Variants in DAGLB observed in about 807,000 individuals in gnomAD.
DAGLB encodes the protein diacylglycerol lipase beta.
DAGLB carries 66 observed loss-of-function variants against 72.1 expected under a neutral mutation model. The observed-to-expected ratio is 0.92, with a 90% confidence interval of 0.75 to 1.12. The LOEUF (loss-of-function observed/expected upper bound fraction) is 1.12. Ranked by LOEUF, DAGLB falls within the 50% of genes most tolerant of loss-of-function variation. The pLI is 0.00. For missense variants in DAGLB, 1,065 were observed against 884.9 expected, an observed-to-expected ratio of 1.20 and a Z score of -2.58; for synonymous variants, 414 against 359.5, an observed-to-expected ratio of 1.15 and a Z score of -1.71.
chr7:6,415,533 A>G (rs899690031), intron 11 of DAGLB, among the ~76,000 whole-genome samples: 3 of 151,904 alleles, frequency 2.0e-5, no homozygotes, highest in Admixed American at 1.3e-4. Flanking sequence ...TGCTGGAATC[A>G]GCAAAAAAAA....
In DAGLB at chr7:6,409,172, GC is replaced by G. The variant is rs1372080790; in HGVS notation, c.*664del. ...ATTGTTTCAACTCCTGAATCCACTG[GC>G]CGACCCCAGAGCCAGAAGAGTAGCA... is the stretch of plus-strand genomic sequence containing the variant. On this transcript the variant is annotated 3_prime_UTR_variant, in exon 15 of 15. Coordinates refer to ENST00000297056, the MANE Select transcript of DAGLB (RefSeq NM_139179.4). 2 of 153,820 alleles carry G rather than the reference GC, an allele frequency of 1.3e-5. No homozygotes were observed. Among genetic ancestry groups the G allele is most frequent in the Non-Finnish European group, 2.9e-5 (2 of 69,188 alleles). The allele number at this position is 153,820 out of a possible 1,614,324, so 9.5% of individuals were successfully genotyped here. A position where few individuals can be genotyped will look rare whatever the true frequency, so the allele number is the denominator to read the frequency against.
At chr7:6,447,253 G>T (rs960460032) in intron 1 of DAGLB, among the ~76,000 whole-genome samples, 2 of 152,216 alleles carry the variant, frequency 1.3e-5, no homozygotes, top group Non-Finnish European at 2.9e-5. Flanking sequence ...CAACAGCGTT[G>T]TATGTTGAGC....
chr7:6,419,584 C>A (rs113535932), intron 9 of DAGLB, among the ~76,000 whole-genome samples: 1 of 152,226 alleles, frequency 6.6e-6, no homozygotes, highest in African/African-American at 2.4e-5. Flanking sequence ...GAGGACAGGA[C>A]AGGCCCTGAG....
At chr7:6,437,397 G>A (rs996858036) in intron 2 of DAGLB, among the ~76,000 whole-genome samples, 8 of 151,942 alleles carry the variant, frequency 5.3e-5, no homozygotes, top group Admixed American at 2.6e-4. Flanking sequence ...CTCATTTTAC[G>A]TATGAGCAAG....
At chr7:6,435,259 C>T (rs1007677633) in intron 3 of DAGLB, among the ~76,000 whole-genome samples, 12 of 151,996 alleles carry the variant, frequency 7.9e-5, no homozygotes, top group African/African-American at 2.9e-4. Context: ...AGGCCGAGGC[C>T]GGCAGATCAC....
intron 8 of DAGLB, among the ~76,000 whole-genome samples, chr7:6,423,570 C>T (rs909533916): frequency 4.0e-5 from 6 of 151,804 alleles, no homozygotes; most frequent in African/African-American, 1.5e-4. Context: ...ATTACAGGTT[C>T]CCGCCACCAT....
chr7:6,428,563 T>A (rs536533884), intron 6 of DAGLB, among the ~76,000 whole-genome samples: 1 of 151,386 alleles, frequency 6.6e-6, no homozygotes, highest in African/African-American at 2.4e-5. Context: ...CTCCACTCAC[T>A]GCAACCTCCA....
intron 2 of DAGLB, among the ~76,000 whole-genome samples, chr7:6,442,333 C>T (rs72583274): frequency 0.079 from 12,082 of 152,052 alleles, 1,116 homozygotes; most frequent in East Asian, 0.5. Flanking sequence ...CATGATGATG[C>T]AAGCATTGTA....
chr7:6,413,951 G>C (rs1022071113), intron 11 of DAGLB, among the ~76,000 whole-genome samples: 4 of 152,202 alleles, frequency 2.6e-5, no homozygotes, highest in Non-Finnish European at 4.4e-5. Context: ...CTTCCTTCCA[G>C]CCATGGACAT....
chr7:6,447,024 A>T (rs1346803891), intron 1 of DAGLB, among the ~76,000 whole-genome samples: 1 of 152,080 alleles, frequency 6.6e-6, no homozygotes, highest in Non-Finnish European at 1.5e-5. Context: ...AAATAAAAAG[A>T]AAAGGGGTCT....
At chr7:6,426,238 G>C (rs1784307214) in intron 6 of DAGLB, 124 bp from the exon 7 acceptor site, 6 of 1,393,194 alleles carry the variant, frequency 4.3e-6, no homozygotes, top group Non-Finnish European at 5.9e-6. Context: ...GACTTAGCCT[G>C]GCTGACATGG....
At position 6,416,922 on chromosome 7, in the gene DAGLB, C is replaced by A; in HGVS notation, c.1219-1G>T. On this transcript the variant is annotated splice_acceptor_variant, in intron 9 of 14. Coordinates refer to ENST00000297056, the MANE Select transcript of DAGLB (RefSeq NM_139179.4). LOFTEE classifies it high-confidence loss of function. ...CGTATCTGGCAGCTTGAGAAATACC[C>A]TAAAAACACAGACAAAGAAGGTGGC... The A allele has an allele frequency of 6.2e-7, 1 of 1,614,096 alleles. No homozygotes were observed. Among genetic ancestry groups the A allele is most frequent in the South Asian group, 1.1e-5 (1 of 91,072 alleles).
intron 8 of DAGLB, among the ~76,000 whole-genome samples, chr7:6,423,427 C>CG (rs1784198322): frequency 6.9e-6 from 1 of 145,688 alleles, no homozygotes. Flanking sequence ...CCACAGACGA[C>CG]GCCACTGCTT....
At chr7:6,434,694 G>C in intron 4 of DAGLB, 68 bp downstream of exon 4, 1 of 1,598,786 alleles carries the variant, frequency 6.3e-7, no homozygotes, top group Non-Finnish European at 8.5e-7. Flanking sequence ...GGGAACAGAG[G>C]GACCGGCTCC....
At position 6,409,813 on chromosome 7, in the gene DAGLB, T is replaced by A; in HGVS notation, c.*24A>T. 6.2e-7 allele frequency: 1 copy of A among 1,609,756 alleles called. No individual in the cohort carries two copies. Among genetic ancestry groups the A allele is most frequent in the Middle Eastern group, 1.7e-4 (1 of 6,030 alleles). ...GACAAAAGCGTGAGTCCATCGTTCC[T>A]GGGACAGTTTCCAGTGGCCCTGGTC... is the stretch of plus-strand genomic sequence containing the variant. On this transcript the variant is annotated 3_prime_UTR_variant, in exon 15 of 15. Transcript: ENST00000297056.
At position 6,409,207 on chromosome 7, in the gene DAGLB, A is replaced by T. The variant is rs561829794; in HGVS notation, c.*630T>A. The T allele has an allele frequency of 1.9e-5, 3 of 153,968 alleles. No homozygotes were observed. The highest frequency in any genetic ancestry group is 4.3e-5 in the Non-Finnish European group (3 of 69,198). 9.5% of individuals were successfully genotyped at this position (153,968 alleles called of 1,614,324 possible). ...GAGCCAGAAGAGTAGCAAGAATTCA[A>T]TCAGCAACTCCTGATGTGGACAAAC... On this transcript the variant is annotated 3_prime_UTR_variant, in exon 15 of 15. Transcript: ENST00000297056.
chr7:6,410,878 G>GTTTTTTTTTTT (rs1562476598), intron 13 of DAGLB, among the ~76,000 whole-genome samples: 2 of 112,770 alleles, frequency 1.8e-5, no homozygotes, highest in African/African-American at 7.1e-5. Context: ...CTAATTTTTT[G>GTTTTTTTTTTT]TATTTTTTTT....
At chr7:6,441,824 A>G (rs1356050195) in intron 2 of DAGLB, among the ~76,000 whole-genome samples, 1 of 152,132 alleles carries the variant, frequency 6.6e-6, no homozygotes, top group African/African-American at 2.4e-5. Context: ...GGATATCTCT[A>G]CCCACAAGTT....
intron 2 of DAGLB, among the ~76,000 whole-genome samples, chr7:6,439,333 G>A (rs185823800): frequency 1.4e-4 from 21 of 152,018 alleles, no homozygotes; most frequent in Admixed American, 1.1e-3. Context: ...TGCTAGTATG[G>A]ACCTGGCTGC....
Sources: allele counts gnomAD v4.1 joint callset (sites outside exome capture counted in the v4.1 genomes callset), GRCh38; gene constraint gnomAD v4.1.1; transcripts MANE v1.5; gene names NCBI Gene and HGNC (gene_info 2026-07-23, HGNC 2026-07-21).